The following CMSS1 variants were observed in gnomAD, a reference collection of about 807,000 sequenced individuals.
The protein encoded by CMSS1 is protein CMSS1.
A neutral mutation model predicts 43.5 loss-of-function variants in CMSS1; 33 were observed. That is an observed-to-expected ratio of 0.76 (90% CI 0.57 to 1.01). The LOEUF (loss-of-function observed/expected upper bound fraction) is 1.01. Ranked by LOEUF, CMSS1 falls within the 50% of genes least tolerant of loss-of-function variation. CMSS1 has a pLI of 0.00. For synonymous variants in CMSS1, 115 were observed against 117.2 expected, an observed-to-expected ratio of 0.98 and a Z score of 0.12; for missense variants, 313 against 326.4, an observed-to-expected ratio of 0.96 and a Z score of 0.32.
At chr3:100,088,249 C>G (rs1264438824) in intron 1 of CMSS1, among the ~76,000 whole-genome samples, 3 of 152,058 alleles carry the variant, frequency 2.0e-5, no homozygotes, top group Admixed American at 6.5e-5. Context: ...CTTGGACATC[C>G]CTTACCTAAA....
intron 2 of CMSS1, among the ~76,000 whole-genome samples, chr3:100,151,186 C>T (rs1258032275): frequency 1.3e-5 from 2 of 152,224 alleles, no homozygotes; most frequent in African/African-American, 4.8e-5. Context: ...GTGTCCTATT[C>T]ATTCTCTGAT....
intron 1 of CMSS1, among the ~76,000 whole-genome samples, chr3:100,017,150 C>A (rs1183868563): frequency 6.6e-6 from 1 of 152,130 alleles, no homozygotes; most frequent in Non-Finnish European, 1.5e-5. Context: ...CATCAAAAAT[C>A]AGAATTTATA....
chr3:100,109,494 G>A (rs764487776), intron 1 of CMSS1, among the ~76,000 whole-genome samples: 9 of 152,040 alleles, frequency 5.9e-5, no homozygotes, highest in Admixed American at 3.3e-4. Flanking sequence ...TCCCCTCAGC[G>A]TCAGCTGTTG....
intron 1 of CMSS1, among the ~76,000 whole-genome samples, chr3:100,077,335 C>T (rs1352985887): frequency 1.3e-5 from 2 of 152,222 alleles, no homozygotes; most frequent in Admixed American, 1.3e-4. Context: ...TCATTTCTTT[C>T]TCTTACAATC....
At chr3:99,999,247 T>G (rs141182468) in intron 1 of CMSS1, among the ~76,000 whole-genome samples, 2,741 of 152,308 alleles carry the variant, frequency 0.018, 74 homozygotes, top group African/African-American at 0.062. Flanking sequence ...AAGCTCTCAC[T>G]GTAGCAAGGA....
chr3:100,023,435 C>T (rs75683002), intron 1 of CMSS1: 546 of 152,470 alleles, frequency 3.6e-3, no homozygotes, highest in Non-Finnish European at 5.6e-3. Context: ...CTTAAAGCAA[C>T]GTAAAGTTAA....
intron 1 of CMSS1, chr3:100,039,739 C>G (rs1313411824): frequency 6.6e-6 from 1 of 151,558 alleles, no homozygotes; most frequent in African/African-American, 2.4e-5. Flanking sequence ...GTTTTCTTCA[C>G]AGTTAACGAC....
intron 1 of CMSS1, among the ~76,000 whole-genome samples, chr3:100,094,547 A>G (rs1009144453): frequency 6.6e-6 from 1 of 151,324 alleles, no homozygotes; most frequent in African/African-American, 2.4e-5. Flanking sequence ...AGAGAATTTT[A>G]TGTTTTACAT....
intron 1 of CMSS1, among the ~76,000 whole-genome samples, chr3:99,867,954 A>G (rs1944601748): frequency 6.6e-6 from 1 of 152,230 alleles, no homozygotes; most frequent in Non-Finnish European, 1.5e-5. Context: ...CTGAAAAATT[A>G]ACACCTAGGC....
intron 1 of CMSS1, among the ~76,000 whole-genome samples, chr3:100,133,734 C>T (rs761828091): frequency 9.2e-5 from 14 of 152,056 alleles, no homozygotes; most frequent in African/African-American, 3.1e-4. Context: ...GAATACTTTT[C>T]GTATAGTTGG....
intron 1 of CMSS1, among the ~76,000 whole-genome samples, chr3:99,948,033 A>G (rs376605706): frequency 2.0e-5 from 3 of 152,352 alleles, no homozygotes; most frequent in South Asian, 4.1e-4. Flanking sequence ...TGGTGGTAAG[A>G]TAATAAGTAT....
chr3:100,060,139 A>G (rs2065536265), intron 1 of CMSS1, among the ~76,000 whole-genome samples: 1 of 152,084 alleles, frequency 6.6e-6, no homozygotes. Context: ...GGTGTGTGTC[A>G]CATGGTGGGT....
chr3:99,986,269 G>T (rs1015700742), intron 1 of CMSS1, among the ~76,000 whole-genome samples: 1 of 152,170 alleles, frequency 6.6e-6, no homozygotes, highest in Non-Finnish European at 1.5e-5. Context: ...AATGGGATAT[G>T]TCCCAGGAAC....
At chr3:99,939,966 A>G (rs1049821139) in intron 1 of CMSS1, among the ~76,000 whole-genome samples, 6 of 152,210 alleles carry the variant, frequency 3.9e-5, no homozygotes, top group Non-Finnish European at 8.8e-5. Flanking sequence ...CTTGTTTTCT[A>G]CGTGCTGCAG....
Position 100,078,555 on chromosome 3 carries a change from G to A in CMSS1, c.65-68418G>A, listed in dbSNP as rs1028379196. On this transcript the variant is annotated intron_variant, in intron 1 of 9. Transcript: ENST00000421999. Reference sequence around the variant, plus strand: ...TTGCAAGAATTGTCTTGGGCCACACGTAAAATACACCAACACTAGCGATAG... The same window carrying A: ...TTGCAAGAATTGTCTTGGGCCACACATAAAATACACCAACACTAGCGATAG... Among the ~76,000 whole-genome samples the A allele has an allele frequency of 4.0e-5, 6 of 151,888 alleles. No homozygotes were observed. In the South Asian group the frequency reaches 6.2e-4, roughly 16 times the overall value.
chr3:99,990,040 A>C (rs1559716429), intron 1 of CMSS1, among the ~76,000 whole-genome samples: 1 of 152,146 alleles, frequency 6.6e-6, no homozygotes, highest in East Asian at 1.9e-4. Context: ...AATCCCATAA[A>C]ATGACTATTT....
intron 1 of CMSS1, among the ~76,000 whole-genome samples, chr3:99,820,098 C>T (rs1219550389): frequency 6.6e-6 from 1 of 152,076 alleles, no homozygotes; most frequent in African/African-American, 2.4e-5. Context: ...TAAATCGCTA[C>T]AGCCTCCTTC....
At position 99,907,228 on chromosome 3, in the gene CMSS1, T is replaced by C. The variant is rs1167832187; in HGVS notation, c.64+89185T>C. On this transcript the variant is annotated intron_variant, in intron 1 of 9. Coordinates refer to ENST00000421999, the MANE Select transcript of CMSS1 (RefSeq NM_032359.4). ...AATGGTGTGGAATAGTTATCTTAAC[T>C]ACCTATTACCCTTTTAATTTTCTTT... 2.0e-5 allele frequency among the ~76,000 whole-genome samples: 3 copies of C among 150,666 alleles called. No homozygotes were observed. The East Asian group carries it at 5.8e-4, about 29-fold the overall frequency.
intron 1 of CMSS1, among the ~76,000 whole-genome samples, chr3:99,969,260 G>A (rs1330871721): frequency 2.0e-5 from 3 of 152,182 alleles, no homozygotes; most frequent in African/African-American, 7.2e-5. Flanking sequence ...TCTTATTGAA[G>A]TAGAAAATGA....
Sources: gnomAD v4.1 joint callset for allele counts (sites outside exome capture counted in the v4.1 genomes callset) on GRCh38, gnomAD v4.1.1 for gene constraint, MANE v1.5 for transcripts, NCBI Gene and HGNC (gene_info 2026-07-23, HGNC 2026-07-21) for gene names.